The following PPM1L variants were observed in gnomAD, a reference collection of about 807,000 sequenced individuals.
PPM1L encodes the protein protein phosphatase 1L.
Under a neutral mutation model 31.4 loss-of-function variants are expected in PPM1L, and 13 were observed. The ratio of observed to expected loss-of-function variants is 0.41; its 90% CI spans 0.27 to 0.66. The LOEUF (loss-of-function observed/expected upper bound fraction) is 0.66, where lower values mean the gene tolerates loss of function less well. Ranked by LOEUF, PPM1L falls within the 30% of genes least tolerant of loss-of-function variation. The pLI is 0.29. For missense variants in PPM1L, 326 were observed against 453.7 expected, an observed-to-expected ratio of 0.72 and a Z score of 2.56; for synonymous variants, 184 against 175.4, an observed-to-expected ratio of 1.05 and a Z score of -0.39.
chr3:160,842,170 G>A (rs1054728623), intron 1 of PPM1L: 3 of 683,654 alleles, frequency 4.4e-6, no homozygotes, highest in Non-Finnish European at 8.0e-6. Context: ...AATAGTTGGG[G>A]AGGACTCATG....
intron 1 of PPM1L, among the ~76,000 whole-genome samples, chr3:160,944,877 A>AGTGG (rs1559897276): frequency 8.4e-5 from 4 of 47,798 alleles, no homozygotes; most frequent in African/African-American, 2.6e-4. Context: ...TGTTATATAT[A>AGTGG]ACATATATAT....
At chr3:160,967,131 A>C (rs188140733) in intron 2 of PPM1L, among the ~76,000 whole-genome samples, 1 of 152,046 alleles carries the variant, frequency 6.6e-6, no homozygotes, top group East Asian at 1.9e-4. Context: ...TGATGGTTTT[A>C]TAAAGGGAAG....
chr3:160,915,094 A>G (rs559724096), intron 1 of PPM1L, among the ~76,000 whole-genome samples: 336 of 152,310 alleles, frequency 2.2e-3, no homozygotes, highest in Non-Finnish European at 3.5e-3. Flanking sequence ...AGGGTATTCA[A>G]TTAGGAAAAG....
At chr3:161,002,553 C>T (rs1174300155) in intron 2 of PPM1L, among the ~76,000 whole-genome samples, 2 of 150,592 alleles carry the variant, frequency 1.3e-5, no homozygotes, top group Non-Finnish European at 2.9e-5. Flanking sequence ...GATGGTATCT[C>T]ACTGTGGTTT....
intron 2 of PPM1L, among the ~76,000 whole-genome samples, chr3:161,048,644 G>A (rs188488853): frequency 1.1e-4 from 16 of 152,058 alleles, no homozygotes; most frequent in Admixed American, 5.9e-4. Flanking sequence ...TGTTTATTGC[G>A]GCATTATTCA....
intron 1 of PPM1L, among the ~76,000 whole-genome samples, chr3:160,928,162 A>C (rs1419486033): frequency 6.6e-6 from 1 of 152,176 alleles, no homozygotes; most frequent in African/African-American, 2.4e-5. Flanking sequence ...TAGACAGCTA[A>C]ACTCTTGCTT....
At chr3:160,866,624 A>G (rs1712097842) in intron 1 of PPM1L, among the ~76,000 whole-genome samples, 1 of 152,310 alleles carries the variant, frequency 6.6e-6, no homozygotes, top group Admixed American at 6.5e-5. Flanking sequence ...ACTTTAATGG[A>G]GCTCTTAAAA....
intron 1 of PPM1L, among the ~76,000 whole-genome samples, chr3:160,951,109 C>T (rs940166277): frequency 2.6e-5 from 4 of 152,210 alleles, no homozygotes; most frequent in African/African-American, 9.6e-5. Context: ...CAGGAACTCA[C>T]TCATAACAAA....
intron 1 of PPM1L, among the ~76,000 whole-genome samples, chr3:160,769,616 G>GT (rs113343931): frequency 0.011 from 1,670 of 147,946 alleles, 15 homozygotes; most frequent in Non-Finnish European, 0.017. Flanking sequence ...AACAAGGTGG[G>GT]TTTTTTTTTT....
At chr3:161,056,755 A>G (rs138633319) in intron 2 of PPM1L, among the ~76,000 whole-genome samples, 264 of 152,010 alleles carry the variant, frequency 1.7e-3, no homozygotes, top group African/African-American at 5.9e-3. Flanking sequence ...CAGTGTACAA[A>G]GCACTCTTAT....
At position 160,965,117 on chromosome 3, in the gene PPM1L, G is replaced by A. The variant is rs547803768; in HGVS notation, c.574+3207G>A. On this transcript the variant is annotated intron_variant, in intron 2 of 3. Coordinates refer to ENST00000498165, the MANE Select transcript of PPM1L (RefSeq NM_139245.4). ...ATACAAAAAATTAGCCGGGCGTGGT[G>A]GTGGGCGCCTGTAGTCCCAGCTACT... 9.4e-4 allele frequency among the ~76,000 whole-genome samples: 143 copies of A among 151,922 alleles called. 3 individuals are homozygous for A. Among genetic ancestry groups the A allele is most frequent in the Admixed American group, 9.4e-3 (143 of 15,206 alleles).
At chr3:160,983,214 CA>C (rs1444123195) in intron 2 of PPM1L, among the ~76,000 whole-genome samples, 1 of 152,168 alleles carries the variant, frequency 6.6e-6, no homozygotes, top group Non-Finnish European at 1.5e-5. Flanking sequence ...GATATAATTG[CA>C]TTTGCAAATA....
At chr3:160,765,130 A>T (rs1364981571) in intron 1 of PPM1L, among the ~76,000 whole-genome samples, 2 of 152,234 alleles carry the variant, frequency 1.3e-5, no homozygotes, top group African/African-American at 4.8e-5. Context: ...ATAAGAGTTT[A>T]TGAGGTAGGT....
chr3:161,050,314 C>T (rs187160038), intron 2 of PPM1L, among the ~76,000 whole-genome samples: 47 of 152,060 alleles, frequency 3.1e-4, no homozygotes, highest in African/African-American at 9.6e-4. Flanking sequence ...TAGACCATGA[C>T]AAAAGACCCT....
intron 1 of PPM1L, among the ~76,000 whole-genome samples, chr3:160,911,536 GCCTATGACTTAGA>G (rs1238918341): frequency 6.6e-6 from 1 of 152,170 alleles, no homozygotes; most frequent in Non-Finnish European, 1.5e-5. Context: ...TATCCTTCTG[GCCTATGACTTAGA>G]CTAAAAGAAG....
At chr3:161,058,407 G>A (rs1331373760) in intron 2 of PPM1L, among the ~76,000 whole-genome samples, 3 of 151,960 alleles carry the variant, frequency 2.0e-5, no homozygotes, top group Non-Finnish European at 4.4e-5. Context: ...TTACAGGCAT[G>A]AGCCACCACA....
chr3:160,864,051 C>G (rs1354552765), intron 1 of PPM1L, among the ~76,000 whole-genome samples: 2 of 152,198 alleles, frequency 1.3e-5, no homozygotes, highest in African/African-American at 4.8e-5. Flanking sequence ...TTCCATTACT[C>G]AGAACATTTT....
At chr3:160,922,432 C>T (rs1714447432) in intron 1 of PPM1L, among the ~76,000 whole-genome samples, 1 of 152,158 alleles carries the variant, frequency 6.6e-6, no homozygotes, top group Non-Finnish European at 1.5e-5. Context: ...CTTATATGTT[C>T]CTCTGTCCCT....
At chr3:160,842,467 G>C (rs1450495421) in intron 1 of PPM1L, among the ~76,000 whole-genome samples, 1 of 152,154 alleles carries the variant, frequency 6.6e-6, no homozygotes, top group Non-Finnish European at 1.5e-5. Flanking sequence ...TCTTAGCCAG[G>C]AATAAGAAGA....
Sources: gnomAD v4.1 joint callset for allele counts (sites outside exome capture counted in the v4.1 genomes callset) on GRCh38, gnomAD v4.1.1 for gene constraint, MANE v1.5 for transcripts, NCBI Gene and HGNC (gene_info 2026-07-23, HGNC 2026-07-21) for gene names.